The following EPN1 variants were observed in gnomAD, a reference collection of about 807,000 sequenced individuals.
EPN1 encodes the protein epsin 1.
A neutral mutation model predicts 56.9 loss-of-function variants in EPN1; 25 were observed. The observed-to-expected ratio is 0.44, with a 90% confidence interval of 0.32 to 0.61. The LOEUF (loss-of-function observed/expected upper bound fraction) is 0.61. EPN1 is among the 20% of genes least tolerant of loss of function. The probability of loss-of-function intolerance (pLI) is 0.05; values close to 1 mark genes in which losing one functional copy is unlikely to be tolerated. For synonymous variants in EPN1, 411 were observed against 361.8 expected (o/e 1.14, Z -1.54); for missense variants, 785 against 823.7 (o/e 0.95, Z 0.58).
At position 55,708,208 on chromosome 19, in the gene EPN1, TTATA is replaced by T. The variant is rs1378314933; in HGVS notation, c.*12855_*12858del. The T allele has an allele frequency of 2.0e-5, 3 of 152,216 alleles. No individual in the cohort carries two copies. The highest frequency in any genetic ancestry group is 1.3e-4 in the Admixed American group (2 of 15,274). 9.4% of individuals were successfully genotyped at this position (152,216 alleles called of 1,614,324 possible). ...TATATTTCAATCTAATGATAACTGA[TTATA>T]TAATCCAATTTCTGCATCATCTTGC... On this transcript the variant is annotated 3_prime_UTR_variant, in exon 11 of 11. Transcript: ENST00000270460.
At chr19:55,681,654 C>T (rs1455415015) in intron 2 of EPN1, among the ~76,000 whole-genome samples, 1 of 152,158 alleles carries the variant, frequency 6.6e-6, no homozygotes, top group Non-Finnish European at 1.5e-5. Flanking sequence ...GTTTGCTGAT[C>T]CCTGTTTTAA....
At chr19:55,682,323 C>A (rs923630936) in intron 2 of EPN1, among the ~76,000 whole-genome samples, 56 of 152,240 alleles carry the variant, frequency 3.7e-4, no homozygotes, top group African/African-American at 1.4e-3. Flanking sequence ...TGTTCTTGAG[C>A]TTTATATATG....
At position 55,700,882 on chromosome 19, in the gene EPN1, G is replaced by C. The variant is rs1042156721; in HGVS notation, c.*5526G>C. The C allele has an allele frequency of 6.6e-6, 1 of 152,270 alleles. No individual in the cohort carries two copies. Among genetic ancestry groups the C allele is most frequent in the Non-Finnish European group, 1.5e-5 (1 of 68,092 alleles). The allele number at this position is 152,270 out of a possible 1,614,324, so 9.4% of individuals were successfully genotyped here. A position where few individuals can be genotyped will look rare whatever the true frequency, so the allele number is the denominator to read the frequency against. ...GCTCGGGAGGTGAGGTTGCAAAATG[G>C]CTTGTGTTGTGGGGAATGTTCTCAT... is the stretch of plus-strand genomic sequence containing the variant. On this transcript the variant is annotated 3_prime_UTR_variant, in exon 11 of 11. Transcript: ENST00000270460.
chr19:55,677,011 A>G, intron 1 of EPN1: 2 of 1,144,292 alleles, frequency 1.7e-6, no homozygotes, highest in Non-Finnish European at 2.4e-6. Flanking sequence ...GGGACTCCAG[A>G]GAGTTACTTT....
At position 55,700,224 on chromosome 19, in the gene EPN1, A is replaced by G. The variant is rs1190507504; in HGVS notation, c.*4868A>G. ...AGGCTTGAGCCACTGTGCCCGGCCC[A>G]TAAAGCACTATTTAATGACTGCTCC... On this transcript the variant is annotated 3_prime_UTR_variant, in exon 11 of 11. Transcript: ENST00000270460. The G allele has an allele frequency of 6.7e-6, 1 of 150,230 alleles. No homozygotes were observed. Among genetic ancestry groups the G allele is most frequent in the Non-Finnish European group, 1.5e-5 (1 of 68,018 alleles). The allele number at this position is 150,230 out of a possible 1,614,324, so 9.3% of individuals were successfully genotyped here.
intron 1 of EPN1, chr19:55,677,008 CAG>C: frequency 8.9e-7 from 1 of 1,125,800 alleles, no homozygotes; most frequent in East Asian, 2.6e-5. Flanking sequence ...TTTGGGACTC[CAG>C]AGAGTTACTT....
Position 55,692,731 on chromosome 19 carries a change from C to T in EPN1, c.1112C>T (p.Pro371Leu), listed in dbSNP as rs376939806. Reference protein sequence around the residue: ...SGPSASDPWTPAPAFSDPWGG... With the variant: ...SGPSASDPWTLAPAFSDPWGG... The stretch of plus-strand genomic sequence containing the variant: ...CCCTCAGCCTCCGATCCCTGGACAC[C>T]GGCCCCGGCCTTCTCAGATCCCTGG... The change falls in exon 8 of 11, where the codon CCG becomes CTG. Residue 371 changes from proline to leucine, a missense_variant. By Grantham distance (98) the Pro-to-Leu change is moderately conservative (BLOSUM62 -3). Transcript: ENST00000270460. The T allele has an allele frequency of 1.1e-5, 18 of 1,569,630 alleles. No individual in the cohort carries two copies. The highest frequency in any genetic ancestry group is 3.3e-4 in the Middle Eastern group (2 of 6,020).
intron 2 of EPN1, among the ~76,000 whole-genome samples, chr19:55,683,040 C>T (rs1279242790): frequency 6.6e-6 from 1 of 151,004 alleles, no homozygotes; most frequent in Non-Finnish European, 1.5e-5. Context: ...CAGGTGTGAG[C>T]CACCGCGCCC....
chr19:55,679,519 C>T (rs994089694), intron 2 of EPN1, among the ~76,000 whole-genome samples: 7 of 152,140 alleles, frequency 4.6e-5, no homozygotes, highest in South Asian at 2.1e-4. Context: ...CCTGCTGTTG[C>T]GGTCCCGTCG....
rs572398890 is a variant in EPN1 at position 55,694,828 on chromosome 19, C to G, written c.1367C>G (p.Pro456Arg). The G allele has an allele frequency of 8.1e-6, 13 of 1,609,498 alleles. No individual in the cohort carries two copies. Among genetic ancestry groups the G allele is most frequent in the East Asian group, 2.2e-5 (1 of 44,820 alleles). Residue 456 changes from proline (P) to arginine (R), a missense_variant, in exon 10 of 11, where the codon CCA becomes CGA. By Grantham distance (103) the Pro-to-Arg change is moderately radical. This residue lies in a region of EPN1 where 650 missense variants were observed against 605.0 expected (regional missense o/e 1.07). Coordinates refer to ENST00000270460, the MANE Select transcript of EPN1 (RefSeq NM_001130072.2). The surrounding 1 kb of genome is among the most constrained non-coding windows in gnomAD (Gnocchi z 4.2). ...GSLAEAVGSP[P>R]PAATPTPTPP... is the part of the protein sequence containing the mutation. The stretch of plus-strand genomic sequence containing the variant: ...CTGGCTGAGGCTGTGGGCAGCCCCC[C>G]ACCTGCAGCCACACCAACTCCCACG...
intron 1 of EPN1, among the ~76,000 whole-genome samples, chr19:55,676,183 C>T (rs1283254272): frequency 1.3e-5 from 2 of 152,178 alleles, no homozygotes; most frequent in Admixed American, 6.5e-5. Context: ...AAGTGCCTGA[C>T]GGTATCTGAC....
At chr19:55,682,788 G>T (rs969650727) in intron 2 of EPN1, among the ~76,000 whole-genome samples, 1 of 146,110 alleles carries the variant, frequency 6.8e-6, no homozygotes. Context: ...ACGGAGTCTC[G>T]CTGTGTTGCC....
At position 55,694,453 on chromosome 19, in the gene EPN1, G is replaced by A. The variant is rs368159206; in HGVS notation, c.1265-273G>A. ...CCCTGGACGGCCCCACCCTGAAGCAGTTGCTGCCCTCTGGTTGTCAGAGGG... is the reference window on the plus strand; with the variant it reads ...CCCTGGACGGCCCCACCCTGAAGCAATTGCTGCCCTCTGGTTGTCAGAGGG... On this transcript the variant is annotated intron_variant, in intron 9 of 10. Transcript: ENST00000270460. The surrounding 1 kb of genome is among the most constrained non-coding windows in gnomAD (Gnocchi z 4.2). The A allele has an allele frequency of 9.9e-6, 4 of 405,024 alleles. No homozygotes were observed. The highest frequency in any genetic ancestry group is 1.7e-5 in the Non-Finnish European group (4 of 230,488). 25.1% of individuals were successfully genotyped at this position (405,024 alleles called of 1,614,324 possible).
chr19:55,676,940 C>T (rs561849699), intron 1 of EPN1: 2 of 523,550 alleles, frequency 3.8e-6, no homozygotes, highest in East Asian at 3.2e-5. Context: ...TCTTCTCAGT[C>T]CCCTTCTCTG....
At chr19:55,688,560 G>C (rs935812357) in intron 3 of EPN1, among the ~76,000 whole-genome samples, 2 of 152,168 alleles carry the variant, frequency 1.3e-5, no homozygotes, top group Non-Finnish European at 2.9e-5. Flanking sequence ...CACGCGGAGA[G>C]TCCTGGTGGT....
chr19:55,693,730 G>GA (rs1214851261), intron 9 of EPN1, among the ~76,000 whole-genome samples: 1 of 152,176 alleles, frequency 6.6e-6, no homozygotes, highest in East Asian at 1.9e-4. Flanking sequence ...TTGTGGTACA[G>GA]AAACCTGTTT....
chr19:55,709,209 T>A lies in EPN1; in HGVS notation c.*13853T>A. The A allele has an allele frequency of 4.2e-6, 2 of 477,720 alleles. No individual in the cohort carries two copies. Among genetic ancestry groups the A allele is most frequent in the Non-Finnish European group, 7.2e-6 (2 of 278,936 alleles). 29.6% of individuals were successfully genotyped at this position (477,720 alleles called of 1,614,324 possible). ...ACAAGCATGAATCTTTCCTATAGGA[T>A]AGGAAGCCTCTGATTTATACCATAA... is the stretch of plus-strand genomic sequence containing the variant. On this transcript the variant is annotated 3_prime_UTR_variant, in exon 11 of 11. Transcript: ENST00000270460.
chr19:55,686,554 G>C (rs1986181254), intron 3 of EPN1, among the ~76,000 whole-genome samples: 2 of 152,140 alleles, frequency 1.3e-5, no homozygotes, highest in African/African-American at 4.8e-5. Flanking sequence ...GTTTGGGGAA[G>C]TCTAGGCCTT....
In EPN1 at chr19:55,694,093, C is replaced by T. The variant is rs1315180675; in HGVS notation, c.1265-633C>T. The T allele has an allele frequency of 6.6e-6, 1 of 152,180 alleles. No homozygotes were observed. Among genetic ancestry groups the T allele is most frequent in the Non-Finnish European group, 1.5e-5 (1 of 68,068 alleles). The allele number at this position is 152,180 out of a possible 1,614,324, so 9.4% of individuals were successfully genotyped here. ...TATTACCCAGGCATGGTGGCGCACGCCTGTAATCCCAGCTACTTGGGAGGC... is the reference window on the plus strand; with the variant it reads ...TATTACCCAGGCATGGTGGCGCACGTCTGTAATCCCAGCTACTTGGGAGGC... On this transcript the variant is annotated intron_variant, in intron 9 of 10. Coordinates refer to ENST00000270460, the MANE Select transcript of EPN1 (RefSeq NM_001130072.2). This position sits in a 1 kb window ranked among gnomAD's most constrained non-coding sequence, Gnocchi z 4.2.
Sources: allele counts gnomAD v4.1 joint callset (sites outside exome capture counted in the v4.1 genomes callset), GRCh38; gene constraint gnomAD v4.1.1; regional missense constraint gnomAD v4.1.1; non-coding constraint Gnocchi (gnomAD v3.1); transcripts MANE v1.5; gene names NCBI Gene and HGNC (gene_info 2026-07-23, HGNC 2026-07-21).